The following XPO1 variants were observed in gnomAD, a reference collection of about 807,000 sequenced individuals.
XPO1 encodes the protein exportin 1.
A neutral mutation model predicts 133.3 loss-of-function variants in XPO1; 5 were observed. That is an observed-to-expected ratio of 0.04 (90% confidence interval 0.02 to 0.08). The LOEUF (loss-of-function observed/expected upper bound fraction) is 0.08, where lower values mean the gene tolerates loss of function less well. XPO1 is among the 10% of genes least tolerant of loss of function. The pLI is 1.00. For synonymous variants in XPO1, 419 were observed against 408.2 expected (o/e 1.03, Z -0.32); for missense variants, 506 against 1,267.5 (o/e 0.40, Z 9.12).
At chr2:61,481,482 CAA>C (rs1286701184) in intron 23 of XPO1, among the ~76,000 whole-genome samples, 1 of 151,392 alleles carries the variant, frequency 6.6e-6, no homozygotes, top group African/African-American at 2.4e-5. Flanking sequence ...ATTTTTGAGA[CAA>C]AGTTTTGCTC....
intron 4 of XPO1, chr2:61,502,660 G>C (rs1217987496): frequency 5.0e-6 from 1 of 198,556 alleles, no homozygotes; most frequent in Admixed American, 5.6e-5. Context: ...GGCTGAGGCA[G>C]GGGAATCACT....
At position 61,481,281 on chromosome 2, in the gene XPO1, A is replaced by G. The variant is rs771623222; in HGVS notation, c.2973T>C (p.Asp991=). The change falls in exon 24 of 25, where the codon GAT becomes GAC. Residue 991 remains aspartate, a splice_region_variant and synonymous_variant. Transcript: ENST00000401558. ...LLKSAFPHLQ[D]AQVKLFVTGL... ...CTGTCACAAAGAGCTTTACTTGAGCACTGCAAATCAAAACACAATGATTAA... is the reference window on the plus strand; with the variant it reads ...CTGTCACAAAGAGCTTTACTTGAGCGCTGCAAATCAAAACACAATGATTAA... 2.5e-6 allele frequency: 4 copies of G among 1,601,750 alleles called. No individual in the cohort carries two copies. Among genetic ancestry groups the G allele is most frequent in the Non-Finnish European group, 3.4e-6 (4 of 1,174,882 alleles).
At chr2:61,490,598 G>C in intron 17 of XPO1, 44 bp downstream of exon 17, 1 of 1,612,498 alleles carries the variant, frequency 6.2e-7, no homozygotes, top group African/African-American at 1.3e-5. Context: ...AACACGTCTT[G>C]TTAAATCCCA....
chr2:61,492,023 T>G lies in XPO1; in HGVS notation c.1887+12A>C, dbSNP rs746211759. The G allele has an allele frequency of 6.2e-7, 1 of 1,614,026 alleles. No individual in the cohort carries two copies. The highest frequency in any genetic ancestry group is 1.7e-5 in the Admixed American group (1 of 59,984). On this transcript the variant is annotated intron_variant, in intron 16 of 24. Coordinates refer to ENST00000401558, the MANE Select transcript of XPO1 (RefSeq NM_003400.4). This position sits in a 1 kb window ranked among gnomAD's most constrained non-coding sequence, Gnocchi z 5.6. Reference sequence around the variant, plus strand: ...CTTTCTAAAAATAACATATGCTCAGTGCTTAACATACCTGTTGAGGCTGAA... The same window carrying G: ...CTTTCTAAAAATAACATATGCTCAGGGCTTAACATACCTGTTGAGGCTGAA...
intron 16 of XPO1, among the ~76,000 whole-genome samples, chr2:61,491,455 A>ACACACAC (rs1558637988): frequency 4.9e-4 from 45 of 91,306 alleles, no homozygotes; most frequent in African/African-American, 2.1e-3. Context: ...CATCTCAAAA[A>ACACACAC]ACAAACACAC....
At chr2:61,494,157 T>C in intron 11 of XPO1, 66 bp from the exon 12 acceptor site, 2 of 1,407,838 alleles carry the variant, frequency 1.4e-6, no homozygotes, top group Non-Finnish European at 2.0e-6. Flanking sequence ...TGCTTTTCAC[T>C]TGTTACACCT....
intron 5 of XPO1, 27 bp from the exon 6 acceptor site, chr2:61,502,067 G>A (rs1310438419): frequency 1.9e-6 from 3 of 1,581,380 alleles, no homozygotes; most frequent in Admixed American, 1.8e-5. Flanking sequence ...GATTAAATGA[G>A]AGCCTGAGGT....
chr2:61,528,755 A>ATT (rs1344040418), intron 2 of XPO1, among the ~76,000 whole-genome samples: 1 of 24,330 alleles, frequency 4.1e-5, no homozygotes, highest in Non-Finnish European at 9.9e-5. Context: ...ATATATATAT[A>ATT]TATATATATA....
intron 3 of XPO1, among the ~76,000 whole-genome samples, chr2:61,523,631 T>A (rs1386720415): frequency 6.6e-6 from 1 of 152,200 alleles, no homozygotes; most frequent in Admixed American, 6.5e-5. Context: ...TATATAGACA[T>A]ATAACCTCAG....
At chr2:61,482,598 T>TTTG in intron 22 of XPO1, 59 bp from the exon 23 acceptor site, 2 of 1,260,896 alleles carry the variant, frequency 1.6e-6, no homozygotes, top group Admixed American at 3.4e-5. Context: ...GATCTTAGCG[T>TTTG]TTTTTTTTGT....
chr2:61,479,071 T>C (rs184576880), intron 24 of XPO1, 105 bp from the exon 25 acceptor site: 2 of 1,357,358 alleles, frequency 1.5e-6, no homozygotes, highest in East Asian at 2.4e-5. Context: ...GAATATAAAT[T>C]ATCCATAAAG....
intron 4 of XPO1, among the ~76,000 whole-genome samples, chr2:61,509,577 G>T (rs1573175546): frequency 1.3e-5 from 2 of 151,954 alleles, no homozygotes; most frequent in African/African-American, 4.8e-5. Context: ...AGTGAGTCGA[G>T]ATCATGCCGT....
chr2:61,483,164 A>AAT lies in XPO1; in HGVS notation c.2678-74_2678-73insAT, dbSNP rs1418209989. ...CTCATGATAGTATTTAGCTCTTATC[A>AAT]AAGTATTCTGAATCTAACCCTGTTC... is the stretch of plus-strand genomic sequence containing the variant. On this transcript the variant is annotated intron_variant, in intron 21 of 24. Coordinates refer to ENST00000401558, the MANE Select transcript of XPO1 (RefSeq NM_003400.4). 6 of 1,498,640 alleles carry AAT rather than the reference A, an allele frequency of 4.0e-6. 1 individual carries two copies. The highest frequency in any genetic ancestry group is 5.4e-6 in the Non-Finnish European group (6 of 1,117,466). The allele number at this position is 1,498,640 out of a possible 1,614,324, so 92.8% of individuals were successfully genotyped here. A position where few individuals can be genotyped will look rare whatever the true frequency, so the allele number is the denominator to read the frequency against.
intron 6 of XPO1, among the ~76,000 whole-genome samples, chr2:61,500,318 T>C (rs1220367840): frequency 2.0e-5 from 3 of 151,842 alleles, no homozygotes; most frequent in African/African-American, 4.8e-5. Flanking sequence ...TGGTAGCTCG[T>C]GCCTGTAATC....
intron 2 of XPO1, among the ~76,000 whole-genome samples, chr2:61,528,605 T>C (rs1483626936): frequency 2.0e-5 from 3 of 150,428 alleles, no homozygotes; most frequent in Admixed American, 6.6e-5. Context: ...ATCAGGAAGA[T>C]TGCCCCAGTG....
intron 4 of XPO1, among the ~76,000 whole-genome samples, chr2:61,513,757 A>C (rs1262854227): frequency 6.6e-6 from 1 of 152,240 alleles, no homozygotes; most frequent in Non-Finnish European, 1.5e-5. Context: ...TTTGCTCTGC[A>C]AAAGACACCA....
intron 4 of XPO1, among the ~76,000 whole-genome samples, chr2:61,514,988 G>A (rs1698294736): frequency 6.7e-6 from 1 of 150,374 alleles, no homozygotes; most frequent in South Asian, 2.1e-4. Flanking sequence ...AGAATCGCTT[G>A]AACCCGAGAG....
At chr2:61,511,898 C>G (rs1698116234) in intron 4 of XPO1, among the ~76,000 whole-genome samples, 1 of 152,036 alleles carries the variant, frequency 6.6e-6, no homozygotes, top group East Asian at 1.9e-4. Context: ...AGCTGGGATT[C>G]TGGGATTACA....
chr2:61,488,103 A>G, intron 19 of XPO1, 62 bp downstream of exon 19: 2 of 1,407,592 alleles, frequency 1.4e-6, no homozygotes, highest in Non-Finnish European at 2.0e-6. Flanking sequence ...AATAGAGTAT[A>G]GCATATTCCA....
Sources: gnomAD v4.1 joint callset for allele counts (sites outside exome capture counted in the v4.1 genomes callset) on GRCh38, gnomAD v4.1.1 for gene constraint, Gnocchi (gnomAD v3.1) non-coding constraint, MANE v1.5 for transcripts, NCBI Gene and HGNC (gene_info 2026-07-23, HGNC 2026-07-21) for gene names.